KNCN: variants seen among roughly 807,000 people sequenced by gnomAD.
KNCN encodes the protein kinocilin.
KNCN carries 11 observed loss-of-function variants against 10.4 expected under a neutral mutation model. The ratio of observed to expected loss-of-function variants is 1.06; its 90% CI spans 0.67 to 1.75. KNCN has a LOEUF of 1.75. KNCN is among the 40% of genes most tolerant of loss of function. The pLI is 0.00. For missense variants in KNCN, 172 were observed against 167.1 expected, an observed-to-expected ratio of 1.03 and a Z score of -0.16; for synonymous variants, 67 against 71.6, an observed-to-expected ratio of 0.94 and a Z score of 0.33.
chr1:46,550,601 G>C (rs867783590), intron 1 of KNCN, among the ~76,000 whole-genome samples: 1 of 152,168 alleles, frequency 6.6e-6, no homozygotes, highest in Non-Finnish European at 1.5e-5. Context: ...ATCAGTGGGC[G>C]TGGCCCCACA....
At chr1:46,548,733 T>C (rs929778465) in intron 3 of KNCN, among the ~76,000 whole-genome samples, 5 of 152,140 alleles carry the variant, frequency 3.3e-5, no homozygotes, top group Admixed American at 3.3e-4. Flanking sequence ...GGTCTGACTG[T>C]GCACCTGGGG....
rs979987210 is a variant in KNCN at position 46,550,965 on chromosome 1, C to T, written c.151+100G>A. On this transcript the variant is annotated intron_variant, in intron 1 of 3. Transcript: ENST00000481882. ...TAGCTTCCGTTCTCCCCAGCTGATT[C>T]CTGCTGACCCAGCCCTTCCCTGTTC... 64 of 1,186,468 alleles carry T rather than the reference C, an allele frequency of 5.4e-5. No individual in the cohort carries two copies. In the Middle Eastern group the frequency reaches 2.4e-3, roughly 44 times the overall value. 73.5% of individuals were successfully genotyped at this position (1,186,468 alleles called of 1,614,324 possible).
chr1:46,549,677 CAT>C (rs1456050551), intron 2 of KNCN: 5 of 595,724 alleles, frequency 8.4e-6, no homozygotes, highest in South Asian at 2.2e-5. Context: ...TTTGGGGAGT[CAT>C]AAAATCTCTC....
intron 1 of KNCN, 74 bp from the exon 2 acceptor site, chr1:46,550,076 C>T: frequency 1.3e-6 from 2 of 1,548,606 alleles, no homozygotes; most frequent in South Asian, 2.4e-5. Flanking sequence ...GGGCTGGGAG[C>T]CTGAGGGGTG....
Position 46,547,026 on chromosome 1 carries a change from T to A in KNCN, c.*704A>T, listed in dbSNP as rs1290998021. On this transcript the variant is annotated 3_prime_UTR_variant, in exon 4 of 4. Coordinates refer to ENST00000481882, the MANE Select transcript of KNCN (RefSeq NM_001322255.2). Reference sequence around the variant, plus strand: ...AGATGGGAGGAAGAGAGAAGTCAGATCACAAAAAGCCTTGAGTGGTGGAGT... The same window carrying A: ...AGATGGGAGGAAGAGAGAAGTCAGAACACAAAAAGCCTTGAGTGGTGGAGT... 3 of 210,414 alleles carry A rather than the reference T, an allele frequency of 1.4e-5. No homozygotes were observed. Among genetic ancestry groups the A allele is most frequent in the Non-Finnish European group, 2.9e-5 (3 of 101,860 alleles). 13.0% of individuals were successfully genotyped at this position (210,414 alleles called of 1,614,324 possible).
chr1:46,551,266 A>T lies in KNCN; in HGVS notation c.-51T>A. ...CAGCCGGTGCAGTCTGGCCCCAGAA[A>T]AGTCCTGGAAGTTTCTGGGCTCTTG... is the stretch of plus-strand genomic sequence containing the variant. On this transcript the variant is annotated 5_prime_UTR_variant, in exon 1 of 4. Transcript: ENST00000481882. This position sits in a 1 kb window ranked among gnomAD's most constrained non-coding sequence, Gnocchi z 4.0. 1 of 1,554,796 alleles carries T rather than the reference A, an allele frequency of 6.4e-7. No individual in the cohort carries two copies. The highest frequency in any genetic ancestry group is 2.2e-5 in the Admixed American group (1 of 45,992).
At position 46,546,642 on chromosome 1, in the gene KNCN, C is replaced by A; in HGVS notation, c.*1088G>T. On this transcript the variant is annotated 3_prime_UTR_variant, in exon 4 of 4. Coordinates refer to ENST00000481882, the MANE Select transcript of KNCN (RefSeq NM_001322255.2). ...CTTGCTCTACCCACGGTAGATGGGA[C>A]TTTGAAGTGGCTTCCCAGGGAAAGC... The A allele has an allele frequency of 6.6e-6, 1 of 152,288 alleles. No individual in the cohort carries two copies. The highest frequency in any genetic ancestry group is 1.5e-5 in the Non-Finnish European group (1 of 68,112). 9.4% of individuals were successfully genotyped at this position (152,288 alleles called of 1,614,324 possible).
chr1:46,550,427 C>CCCCGCT lies in KNCN; in HGVS notation c.152-431_152-426dup, dbSNP rs1175722474. Among the ~76,000 whole-genome samples the CCCCGCT allele has an allele frequency of 4.6e-5, 7 of 152,262 alleles. No homozygotes were observed. In the East Asian group the frequency reaches 1.4e-3, roughly 29 times the overall value. ...GTGGAGCCAGTCCTGCCTTGCCCGC[C>CCCCGCT]CCCGCTCCATCCCCCGATGAGCATC... On this transcript the variant is annotated intron_variant, in intron 1 of 3. Transcript: ENST00000481882.
Position 46,547,705 on chromosome 1 carries a change from C to T in KNCN, c.*25G>A, listed in dbSNP as rs1204686611. 6.6e-7 allele frequency: 1 copy of T among 1,512,958 alleles called. No individual in the cohort carries two copies. The allele number at this position is 1,512,958 out of a possible 1,614,324, so 93.7% of individuals were successfully genotyped here. A position where few individuals can be genotyped will look rare whatever the true frequency, so the allele number is the denominator to read the frequency against. ...CAGCAGGCAGGATGGGAGGGCAGGG[C>T]ATGGGCAGCCGCTCAGACTTTGCCT... On this transcript the variant is annotated 3_prime_UTR_variant, in exon 4 of 4. Coordinates refer to ENST00000481882, the MANE Select transcript of KNCN (RefSeq NM_001322255.2).
Position 46,547,481 on chromosome 1 carries a change from A to T in KNCN, c.*249T>A, listed in dbSNP as rs771186993. 11 of 690,466 alleles carry T rather than the reference A, an allele frequency of 1.6e-5. No individual in the cohort carries two copies. The highest frequency in any genetic ancestry group is 2.7e-5 in the Non-Finnish European group (10 of 376,686). 42.8% of individuals were successfully genotyped at this position (690,466 alleles called of 1,614,324 possible). On this transcript the variant is annotated 3_prime_UTR_variant, in exon 4 of 4. Transcript: ENST00000481882. Reference sequence around the variant, plus strand: ...AAAGGCCAGGGCAGGAGCCTGAAACATGGGAACCCTGTGGGGGCGTCCGGC... The same window carrying T: ...AAAGGCCAGGGCAGGAGCCTGAAACTTGGGAACCCTGTGGGGGCGTCCGGC...
Position 46,551,098 on chromosome 1 carries a change from T to C in KNCN, c.118A>G (p.Met40Val). Residue 40 changes from methionine to valine, a missense_variant, in exon 1 of 4, where the codon ATG (methionine) becomes GTG (valine). Coordinates refer to ENST00000481882, the MANE Select transcript of KNCN (RefSeq NM_001322255.2). The surrounding 1 kb of genome is among the most constrained non-coding windows in gnomAD (Gnocchi z 4.0). Reference protein sequence around the residue: ...GISVSKAAAAMGGVFIGAAVL... With the variant: ...GISVSKAAAAVGGVFIGAAVL... ...GCAGCGCCAATAAAGACACCGCCCA[T>C]GGCAGCTGCAGCCTTGGATACGGAG... 2.5e-6 allele frequency: 4 copies of C among 1,609,156 alleles called. No individual in the cohort carries two copies. The highest frequency in any genetic ancestry group is 3.4e-6 in the Non-Finnish European group (4 of 1,177,672).
At chr1:46,549,588 T>C (rs1258043) in intron 2 of KNCN, 193,162 of 540,186 alleles carry the variant, frequency 0.36, 39,060 homozygotes, top group East Asian at 0.68. Flanking sequence ...GTGCAGAGGC[T>C]GTGGGGTCTT....
At chr1:46,548,634 G>C (rs969881468) in intron 3 of KNCN, among the ~76,000 whole-genome samples, 9 of 152,154 alleles carry the variant, frequency 5.9e-5, no homozygotes, top group African/African-American at 2.2e-4. Flanking sequence ...GAAGGGGCAG[G>C]GAGGTGCCCT....
chr1:46,550,843 C>T (rs1403330263), intron 1 of KNCN, among the ~76,000 whole-genome samples: 1 of 152,088 alleles, frequency 6.6e-6, no homozygotes. Context: ...GTGTGACGGC[C>T]AGCTCTCCTT....
In KNCN at chr1:46,546,431, C is replaced by T. The variant is rs1475792095; in HGVS notation, c.*1299G>A. On this transcript the variant is annotated 3_prime_UTR_variant, in exon 4 of 4. Transcript: ENST00000481882. ...AGCACAGTGAAGTCAGGGGAGGCTTCTAAGAGGAAGTGCCGTCTCCATTGA... is the reference window on the plus strand; with the variant it reads ...AGCACAGTGAAGTCAGGGGAGGCTTTTAAGAGGAAGTGCCGTCTCCATTGA... 2.0e-5 allele frequency: 3 copies of T among 152,262 alleles called. No individual in the cohort carries two copies. Among genetic ancestry groups the T allele is most frequent in the African/African-American group, 4.8e-5 (2 of 41,444 alleles). 9.4% of individuals were successfully genotyped at this position (152,262 alleles called of 1,614,324 possible). A position where few individuals can be genotyped will look rare whatever the true frequency, so the allele number is the denominator to read the frequency against.
Position 46,549,258 on chromosome 1 carries a change from C to G in KNCN, c.230G>C (p.Arg77Thr). 6.2e-7 allele frequency: 1 copy of G among 1,612,626 alleles called. No homozygotes were observed. Among genetic ancestry groups the G allele is most frequent in the Non-Finnish European group, 8.5e-7 (1 of 1,179,218 alleles). The change falls in exon 3 of 4, where the codon AGA becomes ACA. Residue 77 changes from arginine to threonine, a missense_variant. Arg to Thr is a moderately conservative substitution (Grantham distance 71). Transcript: ENST00000481882. ...DHILPTIGSLRIHPHPGADHG... is the reference protein window; with the variant it reads ...DHILPTIGSLTIHPHPGADHG... Reference sequence around the variant, plus strand: ...GTCTGCCCCTGGATGGGGATGGATTCTTAGGCTCCCTGCAGGATGAGACCA... The same window carrying G: ...GTCTGCCCCTGGATGGGGATGGATTGTTAGGCTCCCTGCAGGATGAGACCA...
At chr1:46,550,442 C>T (rs1485735225) in intron 1 of KNCN, among the ~76,000 whole-genome samples, 3 of 152,124 alleles carry the variant, frequency 2.0e-5, no homozygotes, top group South Asian at 2.1e-4. Flanking sequence ...CTCCATCCCC[C>T]GATGAGCATC....
In KNCN at chr1:46,551,274, G is replaced by T. The variant is rs1406993868; in HGVS notation, c.-59C>A. The T allele has an allele frequency of 6.4e-7, 1 of 1,551,652 alleles. No homozygotes were observed. Among genetic ancestry groups the T allele is most frequent in the Non-Finnish European group, 8.7e-7 (1 of 1,154,472 alleles). On this transcript the variant is annotated 5_prime_UTR_variant, in exon 1 of 4. Transcript: ENST00000481882. The surrounding 1 kb of genome is among the most constrained non-coding windows in gnomAD (Gnocchi z 4.0). ...GCAGTCTGGCCCCAGAAAAGTCCTG[G>T]AAGTTTCTGGGCTCTTGGATGTCTC...
Position 46,549,953 on chromosome 1 carries a change from G to T in KNCN, c.201C>A (p.Asp67Glu). 1 of 1,550,600 alleles carries T rather than the reference G, an allele frequency of 6.4e-7. No homozygotes were observed. The highest frequency in any genetic ancestry group is 8.7e-7 in the Non-Finnish European group (1 of 1,146,980). Residue 67 changes from aspartate to glutamate, a missense_variant, in exon 2 of 4, where the codon GAC (aspartate) becomes GAA (glutamate). Asp to Glu is a conservative substitution (Grantham distance 45). Coordinates refer to ENST00000481882, the MANE Select transcript of KNCN (RefSeq NM_001322255.2). ...YPFLKARFNL[D>E]HILPTIGSLR... is the part of the protein sequence containing the mutation. ...CCTCACCTATGGTAGGCAGGATGTG[G>T]TCCAGGTTGAACCGAGCCTTCAGGA...
Sources: allele counts gnomAD v4.1 joint callset (sites outside exome capture counted in the v4.1 genomes callset), GRCh38; gene constraint gnomAD v4.1.1; non-coding constraint Gnocchi (gnomAD v3.1); transcripts MANE v1.5; gene names NCBI Gene and HGNC (gene_info 2026-07-23, HGNC 2026-07-21).